RAPGEF5: variants seen among roughly 807,000 people sequenced by gnomAD.
RAPGEF5 encodes the protein Rap guanine nucleotide exchange factor 5.
Under a neutral mutation model 125.2 loss-of-function variants are expected in RAPGEF5, and 65 were observed. The observed-to-expected ratio is 0.52, with a 90% CI of 0.43 to 0.64. The LOEUF is 0.64. Ranked by LOEUF, RAPGEF5 falls within the 30% of genes least tolerant of loss-of-function variation. The pLI, the probability that RAPGEF5 is intolerant of heterozygous loss-of-function variation, is 0.00. For synonymous variants in RAPGEF5, 391 were observed against 385.9 expected (o/e 1.01, Z -0.16); for missense variants, 958 against 1,048.1 (o/e 0.91, Z 1.19).
chr7:22,295,408 G>A (rs900820652), intron 5 of RAPGEF5, among the ~76,000 whole-genome samples: 1 of 152,164 alleles, frequency 6.6e-6, no homozygotes, highest in Non-Finnish European at 1.5e-5. Flanking sequence ...GAGGATTTGA[G>A]TATTAATGTT....
chr7:22,213,402 C>G (rs187130808), intron 9 of RAPGEF5, among the ~76,000 whole-genome samples: 2 of 152,332 alleles, frequency 1.3e-5, no homozygotes, highest in Admixed American at 1.3e-4. Flanking sequence ...CCAGATTTTA[C>G]TTCCCTCTAA....
At chr7:22,185,723 AAAAAC>A (rs1353103690) in intron 11 of RAPGEF5, among the ~76,000 whole-genome samples, 3 of 152,168 alleles carry the variant, frequency 2.0e-5, no homozygotes, top group African/African-American at 7.2e-5. Context: ...CTTTATCTGG[AAAAAC>A]AAGCCCTTAC....
At chr7:22,123,516 G>C (rs1782646691) in intron 25 of RAPGEF5, among the ~76,000 whole-genome samples, 1 of 152,228 alleles carries the variant, frequency 6.6e-6, no homozygotes, top group Non-Finnish European at 1.5e-5. Flanking sequence ...GGAAATGCAG[G>C]AGGCTGAGCA....
At chr7:22,152,466 T>A (rs1184418123) in intron 17 of RAPGEF5, among the ~76,000 whole-genome samples, 1 of 152,210 alleles carries the variant, frequency 6.6e-6, no homozygotes, top group Non-Finnish European at 1.5e-5. Context: ...TTTTTCCCCT[T>A]ATTTTCAGGT....
intron 7 of RAPGEF5, among the ~76,000 whole-genome samples, chr7:22,240,413 G>T (rs957268144): frequency 6.6e-6 from 1 of 150,906 alleles, no homozygotes; most frequent in Admixed American, 6.6e-5. Context: ...GCTCTATCAC[G>T]CAGGCTGGCA....
At chr7:22,253,485 T>C (rs550051277) in intron 7 of RAPGEF5, among the ~76,000 whole-genome samples, 2 of 152,282 alleles carry the variant, frequency 1.3e-5, no homozygotes, top group South Asian at 2.1e-4. Context: ...TCTTGGGAAA[T>C]GTACGTGGTT....
intron 21 of RAPGEF5, among the ~76,000 whole-genome samples, chr7:22,138,573 C>T (rs1467408498): frequency 6.6e-6 from 1 of 152,298 alleles, no homozygotes; most frequent in Non-Finnish European, 1.5e-5. Flanking sequence ...TCAGCTGGAC[C>T]TCGAAGGCCC....
chr7:22,160,857 T>G (rs777067891), intron 13 of RAPGEF5, among the ~76,000 whole-genome samples: 1 of 152,086 alleles, frequency 6.6e-6, no homozygotes, highest in African/African-American at 2.4e-5. Context: ...ATTCTAGAGA[T>G]CCCTAGCTGG....
At chr7:22,354,799 A>C (rs1348498107) in intron 1 of RAPGEF5, among the ~76,000 whole-genome samples, 2 of 152,154 alleles carry the variant, frequency 1.3e-5, no homozygotes, top group Non-Finnish European at 2.9e-5. Context: ...CCTCACCAGA[A>C]ACCTAATCAG....
intron 1 of RAPGEF5, among the ~76,000 whole-genome samples, chr7:22,353,686 G>A (rs1406564096): frequency 1.3e-5 from 2 of 152,186 alleles, no homozygotes; most frequent in Non-Finnish European, 2.9e-5. Context: ...TGATTTTTAA[G>A]AGGTAGTTAG....
chr7:22,336,594 G>A (rs951159227), intron 1 of RAPGEF5, among the ~76,000 whole-genome samples: 3 of 152,110 alleles, frequency 2.0e-5, no homozygotes, highest in African/African-American at 7.2e-5. Flanking sequence ...GCTGGGAAGC[G>A]GTCCCCAGAG....
At chr7:22,295,853 A>T (rs895742332) in intron 5 of RAPGEF5, among the ~76,000 whole-genome samples, 1 of 152,158 alleles carries the variant, frequency 6.6e-6, no homozygotes, top group African/African-American at 2.4e-5. Flanking sequence ...AGTTAGGAGT[A>T]CAAAGGGTAG....
At chr7:22,168,012 T>C (rs1344857477) in intron 11 of RAPGEF5, among the ~76,000 whole-genome samples, 1 of 152,208 alleles carries the variant, frequency 6.6e-6, no homozygotes. Flanking sequence ...TTTTACAATA[T>C]GATTTAATTT....
chr7:22,278,333 A>G (rs1029122868), intron 6 of RAPGEF5, among the ~76,000 whole-genome samples: 1 of 152,212 alleles, frequency 6.6e-6, no homozygotes, highest in Non-Finnish European at 1.5e-5. Flanking sequence ...CAAGACGTCC[A>G]TAAGTTTTCT....
At chr7:22,320,859 G>A (rs1309814371) in intron 1 of RAPGEF5, among the ~76,000 whole-genome samples, 2 of 152,256 alleles carry the variant, frequency 1.3e-5, no homozygotes, top group East Asian at 3.9e-4. Flanking sequence ...TTAAGCCCAT[G>A]AATTCTTTTT....
intron 9 of RAPGEF5, among the ~76,000 whole-genome samples, chr7:22,198,167 T>C (rs1338226561): frequency 6.6e-6 from 1 of 152,150 alleles, no homozygotes; most frequent in Non-Finnish European, 1.5e-5. Context: ...ACACCTTAAA[T>C]CTCTAAGAAT....
Position 22,145,110 on chromosome 7 carries a change from A to G in RAPGEF5, c.2120T>C (p.Ile707Thr), listed in dbSNP as rs1462992844. Residue 707 changes from isoleucine (I) to threonine (T), a missense_variant, in exon 20 of 26, where the codon ATT becomes ACT. Coordinates refer to ENST00000665637, the MANE Select transcript of RAPGEF5 (RefSeq NM_012294.5). ...NEVQLWVATE[I>T]LLCSQLGKRV... ...CTTGCCCAGCTGGCTGCAGAGCAGA[A>G]TCTCCGTGGCCACCCAAAGCTGGAC... is the stretch of plus-strand genomic sequence containing the variant. 1.2e-6 allele frequency: 2 copies of G among 1,613,766 alleles called. No individual in the cohort carries two copies. Among genetic ancestry groups the G allele is most frequent in the African/African-American group, 2.7e-5 (2 of 74,942 alleles).
intron 7 of RAPGEF5, among the ~76,000 whole-genome samples, chr7:22,263,966 G>C (rs993086846): frequency 2.6e-5 from 4 of 151,652 alleles, no homozygotes; most frequent in Non-Finnish European, 2.9e-5. Context: ...AGAAAAAATA[G>C]TTATTTTTAT....
intron 1 of RAPGEF5, among the ~76,000 whole-genome samples, chr7:22,332,915 C>T (rs10281517): frequency 6.6e-6 from 1 of 152,318 alleles, no homozygotes; most frequent in Admixed American, 6.5e-5. Flanking sequence ...TCGTAAATCA[C>T]TGGCTTTCAA....
Sources: gnomAD v4.1 joint callset for allele counts (sites outside exome capture counted in the v4.1 genomes callset) on GRCh38, gnomAD v4.1.1 for gene constraint, MANE v1.5 for transcripts, NCBI Gene and HGNC (gene_info 2026-07-23, HGNC 2026-07-21) for gene names.